COL25A1: variants seen among roughly 807,000 people sequenced by gnomAD.
COL25A1 encodes the protein collagen alpha-1(XXV) chain.
In COL25A1, 103 loss-of-function variants were observed where a neutral mutation model predicts 128.4. The observed-to-expected ratio is 0.80, with a 90% CI of 0.68 to 0.94. The LOEUF is 0.94. COL25A1 is among the 40% of genes least tolerant of loss of function. The probability of loss-of-function intolerance (pLI) is 0.00; values close to 1 mark genes in which losing one functional copy is unlikely to be tolerated. For missense variants in COL25A1, 745 were observed against 840.0 expected (o/e 0.89, Z 1.40); for synonymous variants, 279 against 277.2 (o/e 1.01, Z -0.06).
At chr4:109,163,207 A>G (rs958371783) in intron 3 of COL25A1, among the ~76,000 whole-genome samples, 3 of 152,170 alleles carry the variant, frequency 2.0e-5, no homozygotes, top group African/African-American at 7.2e-5. Flanking sequence ...CTAAGACAAA[A>G]GCTATTCTAC....
At chr4:109,189,901 T>G (rs1218153698) in intron 3 of COL25A1, among the ~76,000 whole-genome samples, 1 of 152,176 alleles carries the variant, frequency 6.6e-6, no homozygotes, top group African/African-American at 2.4e-5. Flanking sequence ...TTGGTGGGAT[T>G]TTTTCCCCAG....
chr4:109,039,582 C>T (rs1759677317), intron 5 of COL25A1, among the ~76,000 whole-genome samples: 1 of 152,172 alleles, frequency 6.6e-6, no homozygotes, highest in South Asian at 2.1e-4. Context: ...ACTGTCCTCC[C>T]ACTGCACCTT....
At chr4:109,289,012 T>C (rs926942278) in intron 3 of COL25A1, among the ~76,000 whole-genome samples, 6 of 149,642 alleles carry the variant, frequency 4.0e-5, no homozygotes, top group South Asian at 2.1e-4. Flanking sequence ...CACATATATA[T>C]ACAAAATTTT....
intron 22 of COL25A1, among the ~76,000 whole-genome samples, chr4:108,862,006 C>A (rs1003023537): frequency 2.0e-5 from 3 of 152,060 alleles, no homozygotes; most frequent in Non-Finnish European, 4.4e-5. Flanking sequence ...TAGTAGCTAA[C>A]AGCATTTTAA....
chr4:109,134,801 T>C (rs1284852628), intron 3 of COL25A1, among the ~76,000 whole-genome samples: 3 of 151,914 alleles, frequency 2.0e-5, no homozygotes, highest in African/African-American at 7.3e-5. Context: ...GAAAGGTCAA[T>C]AGGAATTAGA....
chr4:108,989,354 TCTA>T (rs974510687), intron 6 of COL25A1, among the ~76,000 whole-genome samples: 3 of 152,214 alleles, frequency 2.0e-5, no homozygotes, highest in Non-Finnish European at 4.4e-5. Flanking sequence ...AATGAAAAAT[TCTA>T]CTATGTTTAT....
At position 109,145,939 on chromosome 4, in the gene COL25A1, CCATG is replaced by C. The variant is rs1770900701; in HGVS notation, c.368-95764_368-95761del. Among the ~76,000 whole-genome samples, 6 of 152,276 alleles carry C rather than the reference CCATG, an allele frequency of 3.9e-5. No homozygotes were observed. In the South Asian group the frequency reaches 1.2e-3, roughly 32 times the overall value. ...AATATCCAAATATTTTATATTATCT[CCATG>C]CTACAGTAATATTAATTAATGTGTA... On this transcript the variant is annotated intron_variant, in intron 3 of 37. Coordinates refer to ENST00000399132, the MANE Select transcript of COL25A1 (RefSeq NM_198721.4).
At chr4:108,905,789 C>T (rs1048318105) in intron 13 of COL25A1, among the ~76,000 whole-genome samples, 1 of 150,748 alleles carries the variant, frequency 6.6e-6, no homozygotes, top group African/African-American at 2.5e-5. Context: ...ATGGAGACTC[C>T]ACTCCATTGC....
At chr4:109,235,186 T>C (rs530913048) in intron 3 of COL25A1, among the ~76,000 whole-genome samples, 37 of 151,954 alleles carry the variant, frequency 2.4e-4, no homozygotes, top group Non-Finnish European at 3.2e-4. Flanking sequence ...AGTGAGAAAA[T>C]ACCTATCCCC....
intron 32 of COL25A1, among the ~76,000 whole-genome samples, chr4:108,831,687 G>GGAGAGAGAGAGAGAGAGAGA (rs3062875): frequency 1.4e-5 from 2 of 144,194 alleles, no homozygotes; most frequent in African/African-American, 5.2e-5. Flanking sequence ...AGAGAGAGGG[G>GGAGAGAGAGAGAGAGAGAGA]GAGAGAGAGA....
chr4:109,137,029 C>T (rs1213523836), intron 3 of COL25A1, among the ~76,000 whole-genome samples: 1 of 152,182 alleles, frequency 6.6e-6, no homozygotes, highest in Non-Finnish European at 1.5e-5. Context: ...TTGTGACAGA[C>T]CCGGAGTCAG....
chr4:108,974,885 A>T (rs1378517243), intron 6 of COL25A1, among the ~76,000 whole-genome samples: 1 of 152,208 alleles, frequency 6.6e-6, no homozygotes, highest in African/African-American at 2.4e-5. Flanking sequence ...CTGTTGGGAC[A>T]TTTCCTTGTC....
At position 108,813,854 on chromosome 4, in the gene COL25A1, A is replaced by G. The variant is rs1362470058; in HGVS notation, c.*73T>C. 2.5e-6 allele frequency: 3 copies of G among 1,185,012 alleles called. No individual in the cohort carries two copies. The highest frequency in any genetic ancestry group is 3.7e-6 in the Non-Finnish European group (3 of 810,030). 73.4% of individuals were successfully genotyped at this position (1,185,012 alleles called of 1,614,324 possible). A position where few individuals can be genotyped will look rare whatever the true frequency, so the allele number is the denominator to read the frequency against. ...ATATCTCAGACTTGTAAAATCTGCA[A>G]TTCAGTTTTCAACTATAAATATTAA... On this transcript the variant is annotated 3_prime_UTR_variant, in exon 38 of 38. Transcript: ENST00000399132.
chr4:108,931,872 A>C (rs1392866011), intron 11 of COL25A1, among the ~76,000 whole-genome samples: 1 of 152,194 alleles, frequency 6.6e-6, no homozygotes, highest in Admixed American at 6.5e-5. Context: ...TGTGCCATTT[A>C]TATGTACTTC....
intron 3 of COL25A1, among the ~76,000 whole-genome samples, chr4:109,175,713 C>T (rs753586863): frequency 6.6e-6 from 1 of 152,096 alleles, no homozygotes; most frequent in Non-Finnish European, 1.5e-5. Flanking sequence ...AACTTTTAGC[C>T]ATTCAATAGA....
intron 3 of COL25A1, among the ~76,000 whole-genome samples, chr4:109,204,978 A>G (rs1001394547): frequency 6.6e-6 from 1 of 152,188 alleles, no homozygotes; most frequent in African/African-American, 2.4e-5. Flanking sequence ...AAACTTTACT[A>G]TCTTAGTGTG....
intron 3 of COL25A1, among the ~76,000 whole-genome samples, chr4:109,165,726 T>C (rs989047751): frequency 6.6e-6 from 1 of 152,122 alleles, no homozygotes; most frequent in Non-Finnish European, 1.5e-5. Context: ...AAAAAGATAA[T>C]AATAATTAGT....
At chr4:109,172,756 T>C (rs1773710114) in intron 3 of COL25A1, among the ~76,000 whole-genome samples, 1 of 152,182 alleles carries the variant, frequency 6.6e-6, no homozygotes, top group African/African-American at 2.4e-5. Context: ...AGAGTAGCAA[T>C]ACAATGTTCT....
At chr4:108,987,892 T>G (rs567472335) in intron 6 of COL25A1, among the ~76,000 whole-genome samples, 2 of 152,292 alleles carry the variant, frequency 1.3e-5, no homozygotes, top group South Asian at 4.1e-4. Flanking sequence ...TACCAGACTA[T>G]CCTTTGAATA....
Sources: allele counts gnomAD v4.1 joint callset (sites outside exome capture counted in the v4.1 genomes callset), GRCh38; gene constraint gnomAD v4.1.1; transcripts MANE v1.5; gene names NCBI Gene and HGNC (gene_info 2026-07-23, HGNC 2026-07-21).